The following SSU72 variants were observed in gnomAD, a reference collection of about 807,000 sequenced individuals.
The protein encoded by SSU72 is RNA polymerase II subunit A C-terminal domain phosphatase SSU72.
A neutral mutation model predicts 22.7 loss-of-function variants in SSU72; 12 were observed. The ratio of observed to expected loss-of-function variants is 0.53; its 90% confidence interval spans 0.34 to 0.86. SSU72 has a LOEUF of 0.86. Among genes scored for constraint, SSU72 ranks in the 40% least tolerant of loss-of-function variants. SSU72 has a pLI of 0.02. For missense variants in SSU72, 151 were observed against 249.8 expected (o/e 0.60, Z 2.67); for synonymous variants, 116 against 98.3 (o/e 1.18, Z -1.06).
At chr1:1,568,785 G>A (rs1177092966) in intron 1 of SSU72, among the ~76,000 whole-genome samples, 3 of 151,970 alleles carry the variant, frequency 2.0e-5, no homozygotes, top group South Asian at 2.1e-4. Flanking sequence ...CTAGCCAGGC[G>A]TGGTGGCTCA....
At chr1:1,558,219 A>G (rs1355849741) in intron 2 of SSU72, among the ~76,000 whole-genome samples, 1 of 151,298 alleles carries the variant, frequency 6.6e-6, no homozygotes, top group African/African-American at 2.4e-5. Context: ...AAAAAAAAAA[A>G]AGCTGGGCAT....
At chr1:1,553,583 G>A (rs1459796274) in intron 2 of SSU72, among the ~76,000 whole-genome samples, 2 of 148,800 alleles carry the variant, frequency 1.3e-5, no homozygotes, top group African/African-American at 5.0e-5. Context: ...AGACCATCCT[G>A]GCTAACACGG....
intron 1 of SSU72, among the ~76,000 whole-genome samples, chr1:1,570,337 C>T (rs1016542572): frequency 6.6e-6 from 1 of 150,530 alleles, no homozygotes; most frequent in Non-Finnish European, 1.5e-5. Context: ...ATTCCAACTT[C>T]AATAAGGCCA....
chr1:1,542,233 G>T lies in SSU72; in HGVS notation c.484-66C>A. 1 of 1,468,272 alleles carries T rather than the reference G, an allele frequency of 6.8e-7. No homozygotes were observed. 91.0% of individuals were successfully genotyped at this position (1,468,272 alleles called of 1,614,324 possible). A position where few individuals can be genotyped will look rare whatever the true frequency, so the allele number is the denominator to read the frequency against. On this transcript the variant is annotated intron_variant, in intron 4 of 4. Coordinates refer to ENST00000291386, the MANE Select transcript of SSU72 (RefSeq NM_014188.3). The surrounding 1 kb of genome is among the most constrained non-coding windows in gnomAD (Gnocchi z 4.4). Reference sequence around the variant, plus strand: ...GCCTGTCTGCTCCCCCTAACACCTGGATCGCCAGGGAAACGCCAGGCCTGA... The same window carrying T: ...GCCTGTCTGCTCCCCCTAACACCTGTATCGCCAGGGAAACGCCAGGCCTGA...
At chr1:1,564,448 G>GT (rs762518538) in intron 2 of SSU72, 202 of 1,466,032 alleles carry the variant, frequency 1.4e-4, no homozygotes, top group South Asian at 4.4e-4. Flanking sequence ...GCCCTGCAGT[G>GT]TGAAAAGCAA....
rs528770709 is a variant in SSU72, at chr1:1,542,774, G to A, written c.484-607C>T. Among the ~76,000 whole-genome samples the A allele has an allele frequency of 1.5e-3, 226 of 152,146 alleles. No individual in the cohort carries two copies. The highest frequency in any genetic ancestry group is 5.1e-3 in the African/African-American group (211 of 41,498). On this transcript the variant is annotated intron_variant, in intron 4 of 4. Transcript: ENST00000291386. This position sits in a 1 kb window ranked among gnomAD's most constrained non-coding sequence, Gnocchi z 4.4. ...CCAACGTGACCCAAGCAGAAATCGT[G>A]CAATAACTTCTGGGACGACATTTTC...
intron 1 of SSU72, among the ~76,000 whole-genome samples, chr1:1,569,612 T>G (rs1160814640): frequency 1.3e-5 from 2 of 152,184 alleles, no homozygotes; most frequent in Admixed American, 1.3e-4. Context: ...CAAGTGATCT[T>G]GCTGCCCCGT....
intron 4 of SSU72, among the ~76,000 whole-genome samples, chr1:1,543,178 C>G (rs2100702697): frequency 6.6e-6 from 1 of 152,346 alleles, no homozygotes; most frequent in African/African-American, 2.4e-5. Context: ...GCCCCGGCCC[C>G]TCTGTGCAAG....
At position 1,574,678 on chromosome 1, in the gene SSU72, G is replaced by A. The variant is rs1332364136; in HGVS notation, c.-121C>T. 3 of 1,043,588 alleles carry A rather than the reference G, an allele frequency of 2.9e-6. No homozygotes were observed. Among genetic ancestry groups the A allele is most frequent in the Non-Finnish European group, 4.0e-6 (3 of 756,212 alleles). 64.6% of individuals were successfully genotyped at this position (1,043,588 alleles called of 1,614,324 possible). On this transcript the variant is annotated 5_prime_UTR_variant, in exon 1 of 5. Transcript: ENST00000291386. The stretch of plus-strand genomic sequence containing the variant: ...CGGGCGACGCGAAACGACGGCGCCG[G>A]CGGTGTAGCGTGCGGCGACTGCGCG...
intron 1 of SSU72, among the ~76,000 whole-genome samples, chr1:1,573,263 T>C (rs1017890405): frequency 1.8e-5 from 1 of 56,530 alleles, no homozygotes. Context: ...CTACTAAAAA[T>C]ACAAAAAAAA....
chr1:1,564,318 CTCT>C (rs745883395), intron 2 of SSU72: 153 of 653,670 alleles, frequency 2.3e-4, no homozygotes, highest in Non-Finnish European at 3.3e-4. Flanking sequence ...AAGCTCCGCC[CTCT>C]TCTTTATCTG....
intron 1 of SSU72, among the ~76,000 whole-genome samples, chr1:1,573,886 T>C (rs1225251964): frequency 2.0e-5 from 3 of 152,084 alleles, no homozygotes; most frequent in Non-Finnish European, 4.4e-5. Flanking sequence ...TAAACTTTCA[T>C]TAGACATACG....
chr1:1,562,522 C>T (rs1222290125), intron 2 of SSU72: 2 of 152,094 alleles, frequency 1.3e-5, no homozygotes, highest in Non-Finnish European at 2.9e-5. Context: ...ATGGGAAGAC[C>T]CAGCCCTAAA....
intron 1 of SSU72, among the ~76,000 whole-genome samples, chr1:1,565,227 G>C (rs1642644614): frequency 6.6e-6 from 1 of 152,248 alleles, no homozygotes; most frequent in Admixed American, 6.5e-5. Context: ...CAAAAAATTA[G>C]CCGGGCGCGG....
chr1:1,571,434 CA>C (rs200572913), intron 1 of SSU72, among the ~76,000 whole-genome samples: 212 of 114,296 alleles, frequency 1.9e-3, no homozygotes, highest in Non-Finnish European at 2.8e-3. Context: ...CCGACTTCAA[CA>C]AAAAAAAAAA....
At chr1:1,547,124 G>A (rs1364743588) in intron 2 of SSU72, among the ~76,000 whole-genome samples, 1 of 152,142 alleles carries the variant, frequency 6.6e-6, no homozygotes, top group African/African-American at 2.4e-5. Context: ...CTCACGGAGA[G>A]GAACCGGGGT....
At chr1:1,555,229 C>A (rs1339697242) in intron 2 of SSU72, among the ~76,000 whole-genome samples, 1 of 152,184 alleles carries the variant, frequency 6.6e-6, no homozygotes, top group East Asian at 1.9e-4. Flanking sequence ...CTGGGTCAAT[C>A]CGTTTCCATG....
In SSU72 at chr1:1,550,293, G is replaced by C. The variant is rs574962852; in HGVS notation, c.225-5291C>G. Among the ~76,000 whole-genome samples, 11 of 152,252 alleles carry C rather than the reference G, an allele frequency of 7.2e-5. No homozygotes were observed. In the South Asian group the frequency reaches 2.1e-3, roughly 29 times the overall value. On this transcript the variant is annotated intron_variant, in intron 2 of 4. Coordinates refer to ENST00000291386, the MANE Select transcript of SSU72 (RefSeq NM_014188.3). ...GCCATCCTCCACGCCAGCCCGGCTGGGGGTAGCTGGTGCCTCAGAGGGGCC... is the reference window on the plus strand; with the variant it reads ...GCCATCCTCCACGCCAGCCCGGCTGCGGGTAGCTGGTGCCTCAGAGGGGCC...
At chr1:1,573,286 C>T (rs908017565) in intron 1 of SSU72, among the ~76,000 whole-genome samples, 6 of 134,382 alleles carry the variant, frequency 4.5e-5, no homozygotes, top group Non-Finnish European at 9.3e-5. Flanking sequence ...AAAAATTAGC[C>T]GTGCCTGGTG....
Sources: gnomAD v4.1 joint callset for allele counts (sites outside exome capture counted in the v4.1 genomes callset) on GRCh38, gnomAD v4.1.1 for gene constraint, Gnocchi (gnomAD v3.1) non-coding constraint, MANE v1.5 for transcripts, NCBI Gene and HGNC (gene_info 2026-07-23, HGNC 2026-07-21) for gene names.